The following IL15RA variants were observed in gnomAD, a reference collection of about 807,000 sequenced individuals.
IL15RA encodes the protein interleukin-15 receptor subunit alpha.
A neutral mutation model predicts 24.2 loss-of-function variants in IL15RA; 26 were observed. The observed-to-expected ratio is 1.07, with a 90% CI of 0.79 to 1.49. IL15RA has a LOEUF of 1.49. Ranked by LOEUF, IL15RA falls within the 40% of genes most tolerant of loss-of-function variation. The pLI is 0.00. For synonymous variants in IL15RA, 166 were observed against 157.6 expected (o/e 1.05, Z -0.40); for missense variants, 354 against 356.4 (o/e 0.99, Z 0.05).
chr10:5,959,601 TACTTA>T lies in IL15RA; in HGVS notation c.616+148_616+152del. ...ACAGAGAATTCCATAAATCAGCTATTACTTAACTTATTATCTGATGGAGGCCTTCT... is the reference window on the plus strand; with the variant it reads ...ACAGAGAATTCCATAAATCAGCTATTACTTATTATCTGATGGAGGCCTTCT... On this transcript the variant is annotated intron_variant, in intron 5 of 6. Transcript: ENST00000379977. This position sits in a 1 kb window ranked among gnomAD's most constrained non-coding sequence, Gnocchi z 4.1. 2.9e-6 allele frequency: 2 copies of T among 679,862 alleles called. No homozygotes were observed. The highest frequency in any genetic ancestry group is 1.6e-5 in the South Asian group (1 of 61,162). The allele number at this position is 679,862 out of a possible 1,614,324, so 42.1% of individuals were successfully genotyped here. A position where few individuals can be genotyped will look rare whatever the true frequency, so the allele number is the denominator to read the frequency against.
chr10:5,974,734 G>T (rs955082638), intron 1 of IL15RA, among the ~76,000 whole-genome samples: 3 of 151,934 alleles, frequency 2.0e-5, no homozygotes, highest in East Asian at 3.9e-4. Flanking sequence ...AAAATTAGCC[G>T]GGCGTAGTGG....
intron 6 of IL15RA, 69 bp downstream of exon 6, chr10:5,956,310 C>G: frequency 7.7e-7 from 1 of 1,296,324 alleles, no homozygotes; most frequent in Admixed American, 1.8e-5. Flanking sequence ...CTACCGCGCC[C>G]GGCCAGGTGC....
Position 5,961,078 on chromosome 10 carries a change from C to A in IL15RA, c.383-511G>T, listed in dbSNP as rs1835430640. Among the ~76,000 whole-genome samples, 1 of 152,116 alleles carries A rather than the reference C, an allele frequency of 6.6e-6. No individual in the cohort carries two copies. The highest frequency in any genetic ancestry group is 2.4e-5 in the African/African-American group (1 of 41,430). ...TACAGGTGTCCACCACCACGCCCAG[C>A]TAATTTTTGTATTTTTAATAGAGAT... On this transcript the variant is annotated intron_variant, in intron 3 of 6. Coordinates refer to ENST00000379977, the MANE Select transcript of IL15RA (RefSeq NM_002189.4). The surrounding 1 kb of genome is among the most constrained non-coding windows in gnomAD (Gnocchi z 5.2).
At chr10:5,974,928 T>G (rs905110590) in intron 1 of IL15RA, among the ~76,000 whole-genome samples, 3 of 150,204 alleles carry the variant, frequency 2.0e-5, no homozygotes, top group Non-Finnish European at 4.4e-5. Flanking sequence ...AAATAAAAAT[T>G]AAAAATTAAA....
In IL15RA at chr10:5,956,470, C is replaced by A. The variant is rs747508408; in HGVS notation, c.617-16G>T. ...GAGATAGCCACTGAAAGGGAGGAGA[C>A]CACGCTGAGATACCCAGAAGCACAT... On this transcript the variant is annotated splice_polypyrimidine_tract_variant and intron_variant, in intron 5 of 6. Coordinates refer to ENST00000379977, the MANE Select transcript of IL15RA (RefSeq NM_002189.4). The A allele has an allele frequency of 1.3e-6, 2 of 1,597,554 alleles. No individual in the cohort carries two copies. Among genetic ancestry groups the A allele is most frequent in the Non-Finnish European group, 1.7e-6 (2 of 1,164,988 alleles).
chr10:5,963,935 G>T lies in IL15RA; in HGVS notation c.284-94C>A. The T allele has an allele frequency of 1.3e-6, 1 of 747,632 alleles. No individual in the cohort carries two copies. Among genetic ancestry groups the T allele is most frequent in the South Asian group, 1.9e-5 (1 of 51,690 alleles). The allele number at this position is 747,632 out of a possible 1,614,324, so 46.3% of individuals were successfully genotyped here. On this transcript the variant is annotated intron_variant, in intron 2 of 6. Transcript: ENST00000379977. This position sits in a 1 kb window ranked among gnomAD's most constrained non-coding sequence, Gnocchi z 5.3. ...ATACAAATAAAATATATCAACACAT[G>T]AACTTACAGTGGAGGCCTCTGGCTT...
chr10:5,970,862 G>A lies in IL15RA; in HGVS notation c.89-4523C>T, dbSNP rs1837493656. 6.6e-6 allele frequency among the ~76,000 whole-genome samples: 1 copy of A among 151,926 alleles called. No homozygotes were observed. The highest frequency in any genetic ancestry group is 2.4e-5 in the African/African-American group (1 of 41,340). On this transcript the variant is annotated intron_variant, in intron 1 of 6. Coordinates refer to ENST00000379977, the MANE Select transcript of IL15RA (RefSeq NM_002189.4). The surrounding 1 kb of genome is among the most constrained non-coding windows in gnomAD (Gnocchi z 4.1). ...TGCAGCCTCAAACTCCTGGCCTTAA[G>A]CAATCCTCCTGCCTCAGCCTCCCGA...
rs1312039340 is a variant in IL15RA, at chr10:5,968,762, G to C, written c.89-2423C>G. The stretch of plus-strand genomic sequence containing the variant: ...CCACCCCATCCTGCCCTCCATGATA[G>C]ATGGCTGTGCTACCTGCTTGCTGCC... On this transcript the variant is annotated intron_variant, in intron 1 of 6. Coordinates refer to ENST00000379977, the MANE Select transcript of IL15RA (RefSeq NM_002189.4). This position sits in a 1 kb window ranked among gnomAD's most constrained non-coding sequence, Gnocchi z 5.4. 1.4e-6 allele frequency: 1 copy of C among 702,796 alleles called. No individual in the cohort carries two copies. Among genetic ancestry groups the C allele is most frequent in the Non-Finnish European group, 2.6e-6 (1 of 385,342 alleles). 43.5% of individuals were successfully genotyped at this position (702,796 alleles called of 1,614,324 possible).
Position 5,953,773 on chromosome 10 carries a change from T to G in IL15RA, c.693-567A>C, listed in dbSNP as rs1183298942. The G allele has an allele frequency of 2.2e-5, 4 of 179,182 alleles. No homozygotes were observed. Among genetic ancestry groups the G allele is most frequent in the Non-Finnish European group, 4.8e-5 (4 of 83,980 alleles). 11.1% of individuals were successfully genotyped at this position (179,182 alleles called of 1,614,324 possible). On this transcript the variant is annotated intron_variant, in intron 6 of 6. Coordinates refer to ENST00000379977, the MANE Select transcript of IL15RA (RefSeq NM_002189.4). The surrounding 1 kb of genome is among the most constrained non-coding windows in gnomAD (Gnocchi z 5.3). ...TAAAAACAGTTCTTAGCACTTAGTATGTGTGAAATAAATAAAGAAATACAC... is the reference window on the plus strand; with the variant it reads ...TAAAAACAGTTCTTAGCACTTAGTAGGTGTGAAATAAATAAAGAAATACAC...
Position 5,963,689 on chromosome 10 carries a change from C to T in IL15RA, c.382+54G>A. On this transcript the variant is annotated intron_variant, in intron 3 of 6. Coordinates refer to ENST00000379977, the MANE Select transcript of IL15RA (RefSeq NM_002189.4). This position sits in a 1 kb window ranked among gnomAD's most constrained non-coding sequence, Gnocchi z 5.3. ...TGAGTCTGCAGGATTGGTGAGCGGG[C>T]CTCTGGGTGTTGGGAGGGAATGAAT... The T allele has an allele frequency of 8.6e-7, 1 of 1,156,712 alleles. No homozygotes were observed. Among genetic ancestry groups the T allele is most frequent in the Non-Finnish European group, 1.2e-6 (1 of 837,198 alleles). 71.7% of individuals were successfully genotyped at this position (1,156,712 alleles called of 1,614,324 possible).
At position 5,966,616 on chromosome 10, in the gene IL15RA, C is replaced by G. The variant is rs908247962; in HGVS notation, c.89-277G>C. On this transcript the variant is annotated intron_variant, in intron 1 of 6. Transcript: ENST00000379977. This position sits in a 1 kb window ranked among gnomAD's most constrained non-coding sequence, Gnocchi z 6.4. ...CACCCTCTCCCTTCATTTCCCACCC[C>G]TCTCCAAGCCCTCAGTCTCTCTTAA... Among the ~76,000 whole-genome samples, 1 of 152,088 alleles carries G rather than the reference C, an allele frequency of 6.6e-6. No homozygotes were observed. Among genetic ancestry groups the G allele is most frequent in the Admixed American group, 6.5e-5 (1 of 15,272 alleles).
In IL15RA at chr10:5,975,026, A is replaced by C. The variant is rs910691677; in HGVS notation, c.88+2379T>G. Among the ~76,000 whole-genome samples the C allele has an allele frequency of 2.0e-5, 3 of 151,936 alleles. No homozygotes were observed. Among genetic ancestry groups the C allele is most frequent in the African/African-American group, 7.2e-5 (3 of 41,396 alleles). ...AATGGTGTGACATTGTTTCAAAAAA[A>C]AAAAAATTAAACATACACCTGCCAT... On this transcript the variant is annotated intron_variant, in intron 1 of 6. Coordinates refer to ENST00000379977, the MANE Select transcript of IL15RA (RefSeq NM_002189.4). This position sits in a 1 kb window ranked among gnomAD's most constrained non-coding sequence, Gnocchi z 4.8.
At chr10:5,977,777 C>G (rs1838695110), upstream of IL15RA, 1 of 594,836 alleles carries the variant, frequency 1.7e-6, no homozygotes, top group Admixed American at 4.4e-5. Flanking sequence ...AGGACCTTAC[C>G]CACGCAAGCC....
chr10:5,952,976 T>TGAGAG lies in IL15RA; in HGVS notation c.*114_*118dup. On this transcript the variant is annotated 3_prime_UTR_variant, in exon 7 of 7. Coordinates refer to ENST00000379977, the MANE Select transcript of IL15RA (RefSeq NM_002189.4). ...GTCCGTGAGATCCTGCTGGGACTTC[T>TGAGAG]GAGAGGCCTGGTGAGCTTGCTCCTG... 1 of 754,924 alleles carries TGAGAG rather than the reference T, an allele frequency of 1.3e-6. No individual in the cohort carries two copies. Among genetic ancestry groups the TGAGAG allele is most frequent in the South Asian group, 1.7e-5 (1 of 59,334 alleles). The allele number at this position is 754,924 out of a possible 1,614,324, so 46.8% of individuals were successfully genotyped here. A position where few individuals can be genotyped will look rare whatever the true frequency, so the allele number is the denominator to read the frequency against.
intron 5 of IL15RA, among the ~76,000 whole-genome samples, chr10:5,956,957 ATTTTTT>A (rs767909938): frequency 7.8e-6 from 1 of 127,680 alleles, no homozygotes; most frequent in African/African-American, 3.1e-5. Flanking sequence ...TTCACTTGCA[ATTTTTT>A]TTTTTTTTTT....
chr10:5,956,586 T>C (rs997497428), intron 5 of IL15RA, 132 bp from the exon 6 acceptor site: 1 of 690,090 alleles, frequency 1.4e-6, no homozygotes, highest in South Asian at 1.7e-5. Flanking sequence ...AGGACATTTC[T>C]TAAGGTCCAT....
At position 5,973,509 on chromosome 10, in the gene IL15RA, G is replaced by A. The variant is rs1837945599; in HGVS notation, c.88+3896C>T. ...TGTTTTGTATACTGCAACCAACTTA[G>A]ACACATATGGCTGACTGATGTTCAA... On this transcript the variant is annotated intron_variant, in intron 1 of 6. Coordinates refer to ENST00000379977, the MANE Select transcript of IL15RA (RefSeq NM_002189.4). This position sits in a 1 kb window ranked among gnomAD's most constrained non-coding sequence, Gnocchi z 4.5. Among the ~76,000 whole-genome samples the A allele has an allele frequency of 6.6e-6, 1 of 152,142 alleles. No individual in the cohort carries two copies. Among genetic ancestry groups the A allele is most frequent in the African/African-American group, 2.4e-5 (1 of 41,430 alleles).
At position 5,952,904 on chromosome 10, in the gene IL15RA, G is replaced by A; in HGVS notation, c.*191C>T. The A allele has an allele frequency of 1.6e-6, 1 of 610,976 alleles. No individual in the cohort carries two copies. Among genetic ancestry groups the A allele is most frequent in the South Asian group, 2.0e-5 (1 of 49,666 alleles). 37.8% of individuals were successfully genotyped at this position (610,976 alleles called of 1,614,324 possible). ...GACAGGCAGGCAGGTGGTGCCCATG[G>A]GAATGCGGAGAACCTGCTCCCTCGC... On this transcript the variant is annotated 3_prime_UTR_variant, in exon 7 of 7. Coordinates refer to ENST00000379977, the MANE Select transcript of IL15RA (RefSeq NM_002189.4).
In IL15RA at chr10:5,966,661, C is replaced by T. The variant is rs1232232476; in HGVS notation, c.89-322G>A. On this transcript the variant is annotated intron_variant, in intron 1 of 6. Coordinates refer to ENST00000379977, the MANE Select transcript of IL15RA (RefSeq NM_002189.4). The surrounding 1 kb of genome is among the most constrained non-coding windows in gnomAD (Gnocchi z 6.4). ...TCTTAAAGTCTTCACCCCTCTCCAC[C>T]GTGGACCCAGCCTCCAATTCTCACT... is the stretch of plus-strand genomic sequence containing the variant. 1.3e-5 allele frequency among the ~76,000 whole-genome samples: 2 copies of T among 152,094 alleles called. No individual in the cohort carries two copies. Among genetic ancestry groups the T allele is most frequent in the Admixed American group, 6.5e-5 (1 of 15,276 alleles).
Sources: allele counts gnomAD v4.1 joint callset (sites outside exome capture counted in the v4.1 genomes callset), GRCh38; gene constraint gnomAD v4.1.1; non-coding constraint Gnocchi (gnomAD v3.1); transcripts MANE v1.5; gene names NCBI Gene and HGNC (gene_info 2026-07-23, HGNC 2026-07-21).